The following RBM33 variants were observed in gnomAD, a reference collection of about 807,000 sequenced individuals.
RBM33 encodes the protein RNA-binding protein 33.
RBM33 carries 28 observed loss-of-function variants against 132.6 expected under a neutral mutation model. The ratio of observed to expected loss-of-function variants is 0.21; its 90% CI spans 0.16 to 0.29. The LOEUF (loss-of-function observed/expected upper bound fraction) is 0.29, where lower values mean the gene tolerates loss of function less well. Among genes scored for constraint, RBM33 ranks in the 10% least tolerant of loss-of-function variants. The probability of loss-of-function intolerance (pLI) is 1.00; values close to 1 mark genes in which losing one functional copy is unlikely to be tolerated. For synonymous variants in RBM33, 634 were observed against 593.0 expected (o/e 1.07, Z -1.01); for missense variants, 1,291 against 1,518.5 (o/e 0.85, Z 2.49).
intron 11 of RBM33, 29 bp from the exon 12 acceptor site, chr7:155,739,686 T>A (rs1294428281): frequency 1.3e-6 from 2 of 1,524,482 alleles, no homozygotes; most frequent in Non-Finnish European, 1.8e-6. Context: ...ATTTATGAAC[T>A]GTTGTTTCTC....
rs575892650 is a variant in RBM33, at chr7:155,758,490, G to T, written c.2980-5322G>T. ...AGTTCACAGTAGGATTCATGCTCCCGTGAGAATGCCGCTGCTGATCCGACA... is the reference window on the plus strand; with the variant it reads ...AGTTCACAGTAGGATTCATGCTCCCTTGAGAATGCCGCTGCTGATCCGACA... On this transcript the variant is annotated intron_variant, in intron 14 of 17. Transcript: ENST00000401878. 3.3e-5 allele frequency among the ~76,000 whole-genome samples: 5 copies of T among 152,296 alleles called. No individual in the cohort carries two copies. The East Asian group carries it at 9.7e-4, about 29-fold the overall frequency.
At chr7:155,672,843 C>A in intron 2 of RBM33, 24 bp from the exon 3 acceptor site, 1 of 1,524,180 alleles carries the variant, frequency 6.6e-7, no homozygotes, top group Non-Finnish European at 8.9e-7. Context: ...TAATCATTGA[C>A]ATGTCTCTTT....
chr7:155,744,985 A>C lies in RBM33; in HGVS notation c.2362A>C (p.Arg788=). The C allele has an allele frequency of 1.9e-6, 3 of 1,579,920 alleles. No individual in the cohort carries two copies. The South Asian group carries it at 3.5e-5, about 18-fold the overall frequency. Residue 788 remains arginine, a synonymous_variant, in exon 14 of 18, where the codon AGG becomes CGG. Coordinates refer to ENST00000401878, the MANE Select transcript of RBM33 (RefSeq NM_053043.3). The part of the protein sequence containing the change: ...TEFPDEDEET[R]LYRLKIEEQK... ...GTTTCCTGATGAAGATGAGGAAACA[A>C]GGTTATATCGCTTAAAGATAGAAGA...
chr7:155,757,618 T>C (rs1801895033), intron 14 of RBM33, among the ~76,000 whole-genome samples: 1 of 152,148 alleles, frequency 6.6e-6, no homozygotes, highest in Admixed American at 6.5e-5. Context: ...TGAAGTTTGT[T>C]TAATGGGCAC....
At chr7:155,706,437 C>G (rs753897778) in intron 6 of RBM33, among the ~76,000 whole-genome samples, 4 of 151,436 alleles carry the variant, frequency 2.6e-5, no homozygotes, top group Admixed American at 6.6e-5. Flanking sequence ...GAGGTTGCAG[C>G]GAGCAGAGAT....
intron 6 of RBM33, among the ~76,000 whole-genome samples, chr7:155,706,459 G>T (rs1327402542): frequency 5.9e-5 from 9 of 151,978 alleles, no homozygotes; most frequent in Admixed American, 3.9e-4. Flanking sequence ...ACGCCACTGT[G>T]CTCTAGCCAG....
intron 9 of RBM33, among the ~76,000 whole-genome samples, chr7:155,731,244 A>G (rs938685800): frequency 2.0e-5 from 3 of 152,228 alleles, no homozygotes; most frequent in Non-Finnish European, 4.4e-5. Context: ...GAAGGTTTAT[A>G]AAGAGTCCTG....
chr7:155,686,410 G>A (rs1482544970), intron 5 of RBM33, among the ~76,000 whole-genome samples: 1 of 152,136 alleles, frequency 6.6e-6, no homozygotes, highest in Non-Finnish European at 1.5e-5. Flanking sequence ...GTGGTAAATA[G>A]TTGAGAGAGA....
intron 5 of RBM33, among the ~76,000 whole-genome samples, chr7:155,685,981 T>C (rs1329218929): frequency 6.6e-6 from 1 of 152,216 alleles, no homozygotes; most frequent in Admixed American, 6.5e-5. Context: ...GTGTATGCTG[T>C]GCACATTACA....
intron 16 of RBM33, among the ~76,000 whole-genome samples, chr7:155,773,283 G>A (rs1802489954): frequency 6.6e-6 from 1 of 152,086 alleles, no homozygotes; most frequent in African/African-American, 2.4e-5. Flanking sequence ...GAAGAATCGG[G>A]CACCAGGTGC....
In RBM33 at chr7:155,644,828, C is replaced by T. The variant is rs535247014; in HGVS notation, c.-49C>T. The stretch of plus-strand genomic sequence containing the variant: ...CGGGCCCGGACCAGGCACGTCGGCC[C>T]ACCAGCTGGCTTGGTGGGGGAGGCT... On this transcript the variant is annotated 5_prime_UTR_variant, in exon 1 of 18. Coordinates refer to ENST00000401878, the MANE Select transcript of RBM33 (RefSeq NM_053043.3). 1.4e-6 allele frequency: 2 copies of T among 1,440,618 alleles called. No individual in the cohort carries two copies. Among genetic ancestry groups the T allele is most frequent in the South Asian group, 1.4e-5 (1 of 74,048 alleles). The allele number at this position is 1,440,618 out of a possible 1,614,324, so 89.2% of individuals were successfully genotyped here.
At chr7:155,716,190 C>G (rs1409829390) in intron 8 of RBM33, among the ~76,000 whole-genome samples, 2 of 152,200 alleles carry the variant, frequency 1.3e-5, no homozygotes, top group African/African-American at 4.8e-5. Context: ...AGCCCGCAGA[C>G]ACATGCCTGG....
intron 14 of RBM33, among the ~76,000 whole-genome samples, chr7:155,748,465 GCA>G (rs1166492947): frequency 6.6e-6 from 1 of 152,172 alleles, no homozygotes; most frequent in Non-Finnish European, 1.5e-5. Flanking sequence ...GTTTATGAAA[GCA>G]CAGTTTTCTT....
rs1801495922 is a variant in RBM33, at chr7:155,745,734, A to G, written c.2979+132A>G. 3.3e-6 allele frequency: 3 copies of G among 901,922 alleles called. No homozygotes were observed. Among genetic ancestry groups the G allele is most frequent in the Non-Finnish European group, 5.0e-6 (3 of 605,704 alleles). 55.9% of individuals were successfully genotyped at this position (901,922 alleles called of 1,614,324 possible). Reference sequence around the variant, plus strand: ...ATAGTCTTGTAACCAATCTCTACCTACTTGAAGTTGGTATAAGAATTGCCG... The same window carrying G: ...ATAGTCTTGTAACCAATCTCTACCTGCTTGAAGTTGGTATAAGAATTGCCG... On this transcript the variant is annotated intron_variant, in intron 14 of 17. Coordinates refer to ENST00000401878, the MANE Select transcript of RBM33 (RefSeq NM_053043.3). The surrounding 1 kb of genome is among the most constrained non-coding windows in gnomAD (Gnocchi z 4.1).
intron 5 of RBM33, among the ~76,000 whole-genome samples, chr7:155,692,757 C>G (rs1228991757): frequency 6.6e-6 from 1 of 152,206 alleles, no homozygotes; most frequent in Non-Finnish European, 1.5e-5. Flanking sequence ...CTTCACTGTT[C>G]TTGACAGTAT....
In RBM33 at chr7:155,745,523, T is replaced by C; in HGVS notation, c.2900T>C (p.Val967Ala). 1 of 1,612,852 alleles carries C rather than the reference T, an allele frequency of 6.2e-7. No individual in the cohort carries two copies. The highest frequency in any genetic ancestry group is 8.5e-7 in the Non-Finnish European group (1 of 1,179,516). Residue 967 changes from valine (V) to alanine (A), a missense_variant, in exon 14 of 18, where the codon GTC (valine) becomes GCC (alanine). Around this residue, in one of 7 missense-constraint regions of RBM33, gnomAD observed 841 missense variants for 912.0 expected, o/e 0.92. Transcript: ENST00000401878. This position sits in a 1 kb window ranked among gnomAD's most constrained non-coding sequence, Gnocchi z 4.1. ...ACAAAGCCTGGCGTGAAAAGGACTGTCACGCACAGGACAAACAGTGGTGGT... is the reference window on the plus strand; with the variant it reads ...ACAAAGCCTGGCGTGAAAAGGACTGCCACGCACAGGACAAACAGTGGTGGT... Reference protein sequence around the residue: ...QDTKPGVKRTVTHRTNSGGGD... With the variant: ...QDTKPGVKRTATHRTNSGGGD...
chr7:155,647,589 C>G (rs1377959318), intron 1 of RBM33, among the ~76,000 whole-genome samples: 1 of 152,136 alleles, frequency 6.6e-6, no homozygotes, highest in Non-Finnish European at 1.5e-5. Context: ...CACCAGCACG[C>G]CTGGCTAATT....
intron 9 of RBM33, among the ~76,000 whole-genome samples, chr7:155,735,908 A>G (rs1563167083): frequency 1.3e-5 from 2 of 152,324 alleles, no homozygotes; most frequent in Admixed American, 1.3e-4. Context: ...CTTTATCTAG[A>G]GAAGTGACAC....
chr7:155,737,976 C>T, intron 10 of RBM33, 84 bp from the exon 11 acceptor site: 2 of 1,220,216 alleles, frequency 1.6e-6, no homozygotes, highest in Non-Finnish European at 2.4e-6. Flanking sequence ...CTTCTGTCCA[C>T]AGTAGGATAG....
Sources: gnomAD v4.1 joint callset for allele counts (sites outside exome capture counted in the v4.1 genomes callset) on GRCh38, gnomAD v4.1.1 for gene constraint, gnomAD v4.1.1 regional missense constraint, Gnocchi (gnomAD v3.1) non-coding constraint, MANE v1.5 for transcripts, NCBI Gene and HGNC (gene_info 2026-07-23, HGNC 2026-07-21) for gene names.